The following ANKRD55 variants were observed in gnomAD, a reference collection of about 807,000 sequenced individuals.
ANKRD55 encodes ankyrin repeat domain 55, also known as ankyrin repeat domain-containing protein 55.
In ANKRD55, 41 loss-of-function variants were observed where a neutral mutation model predicts 60.6. That is an observed-to-expected ratio of 0.68 (90% CI 0.53 to 0.88). ANKRD55 has a LOEUF of 0.88. Ranked by LOEUF, ANKRD55 falls within the 40% of genes least tolerant of loss-of-function variation. The pLI is 0.00. For synonymous variants in ANKRD55, 264 were observed against 290.3 expected, an observed-to-expected ratio of 0.91 and a Z score of 0.92; for missense variants, 732 against 767.6, an observed-to-expected ratio of 0.95 and a Z score of 0.55.
At chr5:56,191,744 T>G (rs1759098225) in intron 2 of ANKRD55, among the ~76,000 whole-genome samples, 2 of 152,168 alleles carry the variant, frequency 1.3e-5, no homozygotes, top group South Asian at 4.1e-4. Flanking sequence ...GGAAGACGTG[T>G]GAAGCAGAAT....
intron 7 of ANKRD55, among the ~76,000 whole-genome samples, chr5:56,129,099 C>G (rs115021687): frequency 6.6e-6 from 1 of 151,976 alleles, no homozygotes. Flanking sequence ...AAGTCAAGGC[C>G]CTGGATCACT....
At position 56,208,420 on chromosome 5, in the gene ANKRD55, T is replaced by A. The variant is rs1426144369; in HGVS notation, c.58+24436A>T. On this transcript the variant is annotated intron_variant, in intron 2 of 11. Transcript: ENST00000341048. ...TGTGTTTTTTTAAAAAAAATATTTATTTATTTATTTATTTATTTATTTTTG... is the reference window on the plus strand; with the variant it reads ...TGTGTTTTTTTAAAAAAAATATTTAATTATTTATTTATTTATTTATTTTTG... Among the ~76,000 whole-genome samples, 85 of 151,698 alleles carry A rather than the reference T, an allele frequency of 5.6e-4. 1 individual carries two copies. Among genetic ancestry groups the A allele is most frequent in the South Asian group, 6.2e-4 (3 of 4,804 alleles).
chr5:56,192,775 C>T (rs1470030081), intron 2 of ANKRD55: 1 of 1,048,806 alleles, frequency 9.5e-7, no homozygotes, highest in African/African-American at 1.6e-5. Flanking sequence ...AAGATGAGAA[C>T]ACAGACATCG....
intron 2 of ANKRD55, among the ~76,000 whole-genome samples, chr5:56,183,934 A>AGTC (rs1371878164): frequency 1.3e-5 from 2 of 152,232 alleles, no homozygotes; most frequent in Non-Finnish European, 2.9e-5. Flanking sequence ...CAGAGAGGAA[A>AGTC]GTGGGAAGTG....
chr5:56,142,205 A>G (rs1757789036), intron 7 of ANKRD55, among the ~76,000 whole-genome samples: 1 of 152,044 alleles, frequency 6.6e-6, no homozygotes. Flanking sequence ...GTGTGTGCCT[A>G]TAATCCCAGC....
At chr5:56,167,809 G>C (rs1758518522) in intron 5 of ANKRD55, among the ~76,000 whole-genome samples, 2 of 152,152 alleles carry the variant, frequency 1.3e-5, no homozygotes, top group African/African-American at 4.8e-5. Context: ...AGATCCTCAA[G>C]AGTCGAGGAG....
chr5:56,176,296 T>G lies in ANKRD55; in HGVS notation c.182-14A>C, dbSNP rs772430388. 4.3e-6 allele frequency: 7 copies of G among 1,614,040 alleles called. No homozygotes were observed. Among genetic ancestry groups the G allele is most frequent in the African/African-American group, 4.0e-5 (3 of 74,934 alleles). On this transcript the variant is annotated splice_polypyrimidine_tract_variant and intron_variant, in intron 3 of 11. Transcript: ENST00000341048. ...AGGGCGTGCATCCTGGAATGAGACA[T>G]TTCAACAGCCTTTAAACATGTGTGA...
At chr5:56,202,935 T>C (rs529870613) in intron 2 of ANKRD55, among the ~76,000 whole-genome samples, 10 of 152,302 alleles carry the variant, frequency 6.6e-5, no homozygotes, top group Non-Finnish European at 1.0e-4. Flanking sequence ...TAAAGATGCC[T>C]CTTAGAATGC....
At chr5:56,135,294 G>GCTTGCTTT (rs1757547051) in intron 7 of ANKRD55, among the ~76,000 whole-genome samples, 21 of 84,456 alleles carry the variant, frequency 2.5e-4, no homozygotes, top group East Asian at 1.9e-3. Context: ...CTGCCTGCTT[G>GCTTGCTTT]CTTTCTTTCT....
rs3846525 is a variant in ANKRD55, at chr5:56,220,489, C to G, written c.58+12367G>C. Among the ~76,000 whole-genome samples, 653 of 152,256 alleles carry G rather than the reference C, an allele frequency of 4.3e-3. 23 individuals carry two copies. The highest frequency in any genetic ancestry group is 0.037 in the Admixed American group (560 of 15,278). On this transcript the variant is annotated intron_variant, in intron 2 of 11. Coordinates refer to ENST00000341048, the MANE Select transcript of ANKRD55 (RefSeq NM_024669.3). The stretch of plus-strand genomic sequence containing the variant: ...GGCAGAGAAAGGTGGGGGTCAAACA[C>G]ACTTACTTAGACTTATTCAGGAGTG...
intron 2 of ANKRD55, among the ~76,000 whole-genome samples, chr5:56,219,039 G>T (rs915478676): frequency 6.6e-6 from 1 of 152,042 alleles, no homozygotes; most frequent in Non-Finnish European, 1.5e-5. Flanking sequence ...TTGGGAGGCC[G>T]AGGCGGGCGG....
At chr5:56,160,474 C>T (rs1390089505) in intron 5 of ANKRD55, among the ~76,000 whole-genome samples, 1 of 152,138 alleles carries the variant, frequency 6.6e-6, no homozygotes, top group Non-Finnish European at 1.5e-5. Flanking sequence ...CTCCTGACCT[C>T]GTGGTCCGCC....
chr5:56,158,231 T>C (rs541254450), intron 6 of ANKRD55, among the ~76,000 whole-genome samples: 1 of 152,008 alleles, frequency 6.6e-6, no homozygotes, highest in African/African-American at 2.4e-5. Context: ...AGAAAGTGAT[T>C]AGGAGGCTTA....
At chr5:56,222,255 C>A (rs1275737123) in intron 2 of ANKRD55, among the ~76,000 whole-genome samples, 2 of 152,182 alleles carry the variant, frequency 1.3e-5, no homozygotes, top group African/African-American at 4.8e-5. Flanking sequence ...GGACCTCCAG[C>A]AAACACCAAC....
At chr5:56,130,361 C>T (rs767594967) in intron 7 of ANKRD55, among the ~76,000 whole-genome samples, 1 of 152,146 alleles carries the variant, frequency 6.6e-6, no homozygotes, top group Non-Finnish European at 1.5e-5. Flanking sequence ...CAGAACAATA[C>T]CCAACTCCAG....
chr5:56,193,494 G>GT, intron 2 of ANKRD55: 1 of 472,854 alleles, frequency 2.1e-6, no homozygotes, highest in Non-Finnish European at 3.9e-6. Context: ...TTACAACTGT[G>GT]TATGTGTTAG....
intron 6 of ANKRD55, among the ~76,000 whole-genome samples, chr5:56,145,488 G>C (rs1757874931): frequency 6.6e-6 from 1 of 152,212 alleles, no homozygotes; most frequent in South Asian, 2.1e-4. Context: ...TGATCAATGA[G>C]GGAGAATAGG....
At chr5:56,151,085 T>G (rs1167010376) in intron 6 of ANKRD55, among the ~76,000 whole-genome samples, 1 of 152,172 alleles carries the variant, frequency 6.6e-6, no homozygotes, top group African/African-American at 2.4e-5. Context: ...CCTGAACTCC[T>G]GAGCTCAAGC....
chr5:56,227,967 C>T (rs1760160971), intron 2 of ANKRD55, among the ~76,000 whole-genome samples: 1 of 152,188 alleles, frequency 6.6e-6, no homozygotes. Flanking sequence ...CCACCTCTTA[C>T]TTGCCAATTT....
Sources: allele counts gnomAD v4.1 joint callset (sites outside exome capture counted in the v4.1 genomes callset), GRCh38; gene constraint gnomAD v4.1.1; transcripts MANE v1.5; gene names NCBI Gene and HGNC (gene_info 2026-07-23, HGNC 2026-07-21).